DENND1A: variants seen among roughly 807,000 people sequenced by gnomAD.
The protein encoded by DENND1A is DENN domain containing 1A.
A neutral mutation model predicts 113.7 loss-of-function variants in DENND1A; 51 were observed. The ratio of observed to expected loss-of-function variants is 0.45; its 90% CI spans 0.36 to 0.57. The LOEUF (loss-of-function observed/expected upper bound fraction) is 0.57, where lower values mean the gene tolerates loss of function less well. DENND1A is among the 20% of genes least tolerant of loss of function. DENND1A has a pLI of 0.00. For missense variants in DENND1A, 1,258 were observed against 1,395.9 expected, an observed-to-expected ratio of 0.90 and a Z score of 1.57; for synonymous variants, 565 against 570.8, an observed-to-expected ratio of 0.99 and a Z score of 0.14.
intron 8 of DENND1A, among the ~76,000 whole-genome samples, chr9:123,653,920 C>A (rs934160349): frequency 6.6e-6 from 1 of 151,138 alleles, no homozygotes; most frequent in African/African-American, 2.4e-5. Flanking sequence ...AAACTGGAGG[C>A]TCAGGAAGTC....
intron 21 of DENND1A, chr9:123,402,434 C>A: frequency 2.0e-6 from 1 of 499,138 alleles, no homozygotes; most frequent in South Asian, 1.5e-5. Flanking sequence ...ATTTTTTTTC[C>A]TTCTTGCTCC....
intron 13 of DENND1A, among the ~76,000 whole-genome samples, chr9:123,493,489 C>A (rs991965008): frequency 9.2e-5 from 14 of 152,108 alleles, no homozygotes; most frequent in Admixed American, 9.2e-4. Flanking sequence ...CTGACAGTGC[C>A]CAGAGAGCGG....
Position 123,700,456 on chromosome 9 carries a change from T to C in DENND1A, c.303-23667A>G, listed in dbSNP as rs185067011. ...CTGGTTGAGGCAAGTTTGAAATCTA[T>C]AGGACAGGCCAGTGGGCTGGAAACT... On this transcript the variant is annotated intron_variant, in intron 5 of 23. Coordinates refer to ENST00000394215, the MANE Select transcript of DENND1A (RefSeq NM_001352964.2). Among the ~76,000 whole-genome samples, 228 of 152,318 alleles carry C rather than the reference T, an allele frequency of 1.5e-3. 2 individuals are homozygous for C. The highest frequency in any genetic ancestry group is 2.2e-3 in the Admixed American group (33 of 15,298).
chr9:123,398,898 G>A (rs945665657), intron 21 of DENND1A, among the ~76,000 whole-genome samples: 5 of 149,922 alleles, frequency 3.3e-5, no homozygotes, highest in African/African-American at 9.8e-5. Context: ...AGGTTCAAGC[G>A]ATTCTCCTGC....
rs765895361 is a variant in DENND1A at position 123,557,593 on chromosome 9, G to T, written c.970C>A (p.Arg324=). 1.9e-6 allele frequency: 3 copies of T among 1,613,874 alleles called. No homozygotes were observed. The highest frequency in any genetic ancestry group is 2.5e-6 in the Non-Finnish European group (3 of 1,179,910). The change falls in exon 13 of 24, where the codon CGA becomes AGA. Residue 324 remains arginine (R), a synonymous_variant. Transcript: ENST00000394215. The part of the protein sequence containing the change: ...KAQAAFFGSY[R]NALKIEPEEP... ...ACCGGCTCGATTTTCAGAGCGTTTCGGTAGCTACCGAAGAAAGCAGCCTGG... is the reference window on the plus strand; with the variant it reads ...ACCGGCTCGATTTTCAGAGCGTTTCTGTAGCTACCGAAGAAAGCAGCCTGG...
Position 123,680,776 on chromosome 9 carries a change from T to A in DENND1A, c.303-3987A>T, listed in dbSNP as rs577231259. On this transcript the variant is annotated intron_variant, in intron 5 of 23. Transcript: ENST00000394215. Reference sequence around the variant, plus strand: ...AAAACAGAAAACCATTAAAAAATTTTAAGAGCTCTCCGACACCTCTTTCTA... The same window carrying A: ...AAAACAGAAAACCATTAAAAAATTTAAAGAGCTCTCCGACACCTCTTTCTA... Among the ~76,000 whole-genome samples, 4 of 152,342 alleles carry A rather than the reference T, an allele frequency of 2.6e-5. No individual in the cohort carries two copies. In the East Asian group the frequency reaches 7.7e-4, roughly 29 times the overall value.
intron 10 of DENND1A, among the ~76,000 whole-genome samples, chr9:123,617,347 C>T (rs1024992558): frequency 6.0e-5 from 9 of 149,546 alleles, no homozygotes; most frequent in South Asian, 2.1e-4. Context: ...GTGAGCTCAG[C>T]GTGCACTGAT....
intron 5 of DENND1A, among the ~76,000 whole-genome samples, chr9:123,739,924 A>G (rs199669741): frequency 0.086 from 11,051 of 127,892 alleles, 528 homozygotes; most frequent in African/African-American, 0.15. Context: ...ACATAGGAGA[A>G]AAAAAAAAAA....
chr9:123,566,144 A>G (rs537326756), intron 12 of DENND1A, among the ~76,000 whole-genome samples: 47 of 152,302 alleles, frequency 3.1e-4, no homozygotes, highest in Middle Eastern at 3.4e-3. Flanking sequence ...TAGTCCATTG[A>G]TTCTCACTGC....
At chr9:123,570,252 C>G (rs1406962880) in intron 12 of DENND1A, among the ~76,000 whole-genome samples, 1 of 152,174 alleles carries the variant, frequency 6.6e-6, no homozygotes, top group Non-Finnish European at 1.5e-5. Context: ...GGCTATAGAT[C>G]TGCCCATCTG....
chr9:123,541,646 A>C (rs550387947), intron 13 of DENND1A, among the ~76,000 whole-genome samples: 2 of 152,338 alleles, frequency 1.3e-5, no homozygotes, highest in Admixed American at 1.3e-4. Flanking sequence ...AGCAAGCCAA[A>C]CATAAATAAT....
intron 11 of DENND1A, among the ~76,000 whole-genome samples, chr9:123,592,443 T>C (rs2059501195): frequency 6.6e-6 from 1 of 152,240 alleles, no homozygotes. Context: ...TTAGACTTCC[T>C]GTGCCTCAGT....
At chr9:123,607,967 G>A (rs1003699156) in intron 11 of DENND1A, among the ~76,000 whole-genome samples, 3 of 152,016 alleles carry the variant, frequency 2.0e-5, no homozygotes, top group African/African-American at 4.8e-5. Context: ...TGGCACTAAC[G>A]GTCCATTGGT....
In DENND1A at chr9:123,733,495, C is replaced by A. The variant is rs552789267; in HGVS notation, c.302+24208G>T. On this transcript the variant is annotated intron_variant, in intron 5 of 23. Transcript: ENST00000394215. The stretch of plus-strand genomic sequence containing the variant: ...AGAAACAGGGTCTCACTATGTTGGC[C>A]AGGCTGGTCTCAAACTCCTGGCCTC... Among the ~76,000 whole-genome samples, 3 of 152,084 alleles carry A rather than the reference C, an allele frequency of 2.0e-5. No homozygotes were observed. In the East Asian group the frequency reaches 5.8e-4, roughly 29 times the overall value.
chr9:123,604,959 GCATTATCTCACTGGATCCTCCCAGTGATC>G (rs1217952665), intron 11 of DENND1A, among the ~76,000 whole-genome samples: 2 of 152,118 alleles, frequency 1.3e-5, no homozygotes, highest in Non-Finnish European at 2.9e-5. Context: ...CATCTGATAG[GCATTATCTCACTGGATCCTCCCAGTGATC>G]CCATAAGGGA....
chr9:123,753,405 A>T (rs2070235584), intron 5 of DENND1A, among the ~76,000 whole-genome samples: 1 of 152,264 alleles, frequency 6.6e-6, no homozygotes, highest in South Asian at 2.1e-4. Flanking sequence ...AATTAAGTTT[A>T]AATTTTAAAA....
chr9:123,385,183 A>C (rs1216126653), intron 22 of DENND1A, among the ~76,000 whole-genome samples: 1 of 152,078 alleles, frequency 6.6e-6, no homozygotes, highest in East Asian at 1.9e-4. Flanking sequence ...TTTATTTTTC[A>C]GACGGAGTTT....
intron 2 of DENND1A, chr9:123,843,755 A>G (rs1343472377): frequency 6.5e-6 from 1 of 153,450 alleles, no homozygotes; most frequent in Non-Finnish European, 1.5e-5. Context: ...TATATAATCA[A>G]AGTCAAGTAG....
At chr9:123,748,110 T>C (rs2069676467) in intron 5 of DENND1A, among the ~76,000 whole-genome samples, 1 of 152,218 alleles carries the variant, frequency 6.6e-6, no homozygotes, top group Admixed American at 6.5e-5. Context: ...TTTCCTTGTA[T>C]TATAAATCAA....
Sources: gnomAD v4.1 joint callset for allele counts (sites outside exome capture counted in the v4.1 genomes callset) on GRCh38, gnomAD v4.1.1 for gene constraint, MANE v1.5 for transcripts, NCBI Gene and HGNC (gene_info 2026-07-23, HGNC 2026-07-21) for gene names.